The following FSTL4 variants were observed in gnomAD, a reference collection of about 807,000 sequenced individuals.
The protein encoded by FSTL4 is follistatin like 4, also known as follistatin-related protein 4.
In FSTL4, 28 loss-of-function variants were observed where a neutral mutation model predicts 78.2. That is an observed-to-expected ratio of 0.36 (90% CI 0.27 to 0.49). The LOEUF is 0.49. Ranked by LOEUF, FSTL4 falls within the 20% of genes least tolerant of loss-of-function variation. FSTL4 has a pLI of 0.98. For missense variants in FSTL4, 922 were observed against 1,084.9 expected (o/e 0.85, Z 2.11); for synonymous variants, 422 against 440.5 (o/e 0.96, Z 0.53).
chr5:133,254,368 C>T (rs1581572942), intron 6 of FSTL4, among the ~76,000 whole-genome samples: 1 of 152,266 alleles, frequency 6.6e-6, no homozygotes, highest in Non-Finnish European at 1.5e-5. Context: ...CCACATACAG[C>T]TCCTGTGTTC....
At chr5:133,250,271 T>G (rs1239001045) in intron 6 of FSTL4, among the ~76,000 whole-genome samples, 1 of 152,262 alleles carries the variant, frequency 6.6e-6, no homozygotes, top group Non-Finnish European at 1.5e-5. Context: ...GATAGTTCTC[T>G]GCAATCACAA....
At chr5:133,535,123 T>C (rs1214618429) in intron 3 of FSTL4, among the ~76,000 whole-genome samples, 1 of 152,180 alleles carries the variant, frequency 6.6e-6, no homozygotes. Flanking sequence ...CTCTCTACCA[T>C]GTGAAGACAG....
At chr5:133,453,714 T>C (rs1757426990) in intron 3 of FSTL4, among the ~76,000 whole-genome samples, 1 of 152,178 alleles carries the variant, frequency 6.6e-6, no homozygotes, top group Non-Finnish European at 1.5e-5. Flanking sequence ...CTGATCCCCA[T>C]GAAGGGCCAC....
At chr5:133,720,020 C>T in the FSTL4 span, among the ~76,000 whole-genome samples, 4 of 152,120 alleles carry the variant, frequency 2.6e-5, no homozygotes, top group African/African-American at 9.7e-5. Flanking sequence ...TCACACGTAT[C>T]CACAAAGATT....
At chr5:133,787,052 AG>A in the FSTL4 span, among the ~76,000 whole-genome samples, 1 of 152,160 alleles carries the variant, frequency 6.6e-6, no homozygotes. Context: ...CTGTACTCCT[AG>A]GTGAGTCTGC....
the FSTL4 span, among the ~76,000 whole-genome samples, chr5:133,777,291 A>G: frequency 6.6e-6 from 1 of 152,360 alleles, no homozygotes. Flanking sequence ...GGAAAAGTAG[A>G]ATACAAAATG....
intron 4 of FSTL4, among the ~76,000 whole-genome samples, chr5:133,334,556 G>A (rs145965487): frequency 6.3e-4 from 96 of 152,302 alleles, no homozygotes; most frequent in African/African-American, 2.3e-3. Flanking sequence ...TATGTTCTCT[G>A]TGGAAGTTCA....
chr5:133,215,985 C>A (rs1228851173), intron 13 of FSTL4, among the ~76,000 whole-genome samples: 1 of 152,220 alleles, frequency 6.6e-6, no homozygotes, highest in African/African-American at 2.4e-5. Flanking sequence ...TGAAACACAT[C>A]TGCAAAGTCC....
At chr5:133,417,990 A>G (rs1756612428) in intron 3 of FSTL4, among the ~76,000 whole-genome samples, 1 of 140,248 alleles carries the variant, frequency 7.1e-6, no homozygotes, top group South Asian at 2.3e-4. Context: ...AAAAAAAAAG[A>G]GGTTTCACTT....
upstream of FSTL4, among the ~76,000 whole-genome samples, chr5:133,616,782 AC>A (rs1378869620): frequency 6.6e-6 from 1 of 152,120 alleles, no homozygotes; most frequent in Non-Finnish European, 1.5e-5. Flanking sequence ...GGCTATGAAG[AC>A]AACTATCCAA....
intron 1 of FSTL4, among the ~76,000 whole-genome samples, chr5:133,605,944 G>A (rs1379994422): frequency 2.0e-5 from 3 of 152,102 alleles, no homozygotes; most frequent in East Asian, 1.9e-4. Flanking sequence ...TGCCACCCGG[G>A]AGAGGACTGT....
chr5:133,787,460 C>T, the FSTL4 span, among the ~76,000 whole-genome samples: 11 of 152,216 alleles, frequency 7.2e-5, no homozygotes, highest in Non-Finnish European at 1.5e-5. Flanking sequence ...TGTTGGGGGT[C>T]AGAGGCTCAC....
the FSTL4 span, among the ~76,000 whole-genome samples, chr5:133,773,969 G>A: frequency 5.3e-5 from 8 of 152,262 alleles, no homozygotes; most frequent in African/African-American, 1.9e-4. Flanking sequence ...TGGAGTGCAG[G>A]TGGAAGAAAA....
intron 3 of FSTL4, among the ~76,000 whole-genome samples, chr5:133,501,329 T>C (rs1298485247): frequency 1.3e-5 from 2 of 152,122 alleles, no homozygotes; most frequent in South Asian, 2.1e-4. Context: ...GAGCACAAAA[T>C]TGGTCATGTT....
intron 4 of FSTL4, among the ~76,000 whole-genome samples, chr5:133,371,516 C>T (rs550004720): frequency 5.9e-5 from 9 of 152,268 alleles, no homozygotes; most frequent in Non-Finnish European, 7.4e-5. Flanking sequence ...GTGTGAGAGC[C>T]GCTGAGTGTC....
At chr5:133,354,280 T>C (rs573296021) in intron 4 of FSTL4, among the ~76,000 whole-genome samples, 29 of 152,328 alleles carry the variant, frequency 1.9e-4, no homozygotes, top group Admixed American at 6.5e-5. Flanking sequence ...GACACACGCA[T>C]GAGCCAGCGC....
At chr5:133,660,640 C>T in the FSTL4 span, among the ~76,000 whole-genome samples, 1 of 152,282 alleles carries the variant, frequency 6.6e-6, no homozygotes, top group South Asian at 2.1e-4. Context: ...CCACCCTGTC[C>T]CTCTCCCCAG....
intron 3 of FSTL4, among the ~76,000 whole-genome samples, chr5:133,490,739 G>A (rs1455525661): frequency 6.6e-6 from 1 of 152,180 alleles, no homozygotes; most frequent in Non-Finnish European, 1.5e-5. Flanking sequence ...TAAGGAATAT[G>A]GCCTATCAAT....
chr5:133,245,463 T>C (rs1468985778), intron 7 of FSTL4, among the ~76,000 whole-genome samples: 1 of 152,248 alleles, frequency 6.6e-6, no homozygotes, highest in South Asian at 2.1e-4. Context: ...CTCTTAATGT[T>C]AATATTCAAG....
Sources: allele counts gnomAD v4.1 joint callset (sites outside exome capture counted in the v4.1 genomes callset), GRCh38; gene constraint gnomAD v4.1.1; transcripts MANE v1.5; gene names NCBI Gene and HGNC (gene_info 2026-07-23, HGNC 2026-07-21).